MID1: variants seen among roughly 807,000 people sequenced by gnomAD.
The protein encoded by MID1 is midline 1.
A neutral mutation model predicts 40.4 loss-of-function variants in MID1; 7 were observed. The ratio of observed to expected loss-of-function variants is 0.17; its 90% confidence interval spans 0.10 to 0.33. The LOEUF (loss-of-function observed/expected upper bound fraction) is 0.33, where lower values mean the gene tolerates loss of function less well. Ranked by LOEUF, MID1 falls within the 10% of genes least tolerant of loss-of-function variation. The pLI, the probability that MID1 is intolerant of heterozygous loss-of-function variation, is 1.00. For missense variants in MID1, 367 were observed against 558.5 expected, an observed-to-expected ratio of 0.66 and a Z score of 3.46; for synonymous variants, 229 against 221.2, an observed-to-expected ratio of 1.04 and a Z score of -0.31.
chrX:10,447,806 A>G lies in MID1; in HGVS notation c.*1562T>C, dbSNP rs1179094218. 1 of 112,387 alleles carries G rather than the reference A, an allele frequency of 8.9e-6. No individual in the cohort carries two copies. The highest frequency in any genetic ancestry group is 1.9e-5 in the Non-Finnish European group (1 of 53,316). 9.3% of individuals were successfully genotyped at this position (112,387 alleles called of 1,213,427 possible). On this transcript the variant is annotated 3_prime_UTR_variant, in exon 10 of 10. Transcript: ENST00000317552. Reference sequence around the variant, plus strand: ...CACGTGATGCTGAAACAATGAGTTCATTGACTTATTTCAGGGAGGCAGTTG... The same window carrying G: ...CACGTGATGCTGAAACAATGAGTTCGTTGACTTATTTCAGGGAGGCAGTTG...
At chrX:10,798,247 T>C (rs906485551) in intron 1 of MID1, among the ~76,000 whole-genome samples, 5 of 112,274 alleles carry the variant, frequency 4.5e-5, no homozygotes, top group African/African-American at 1.6e-4. Context: ...TAGGTTCATA[T>C]CTTTGCTATA....
At chrX:10,644,119 C>T (rs60027385) in intron 1 of MID1, among the ~76,000 whole-genome samples, 1 of 110,958 alleles carries the variant, frequency 9.0e-6, no homozygotes, top group Non-Finnish European at 1.9e-5. Flanking sequence ...CAAACCTGCA[C>T]GTTGTGCACA....
chrX:10,479,506 C>T (rs1320805862), intron 5 of MID1, among the ~76,000 whole-genome samples: 1 of 110,828 alleles, frequency 9.0e-6, no homozygotes, highest in Non-Finnish European at 1.9e-5. Flanking sequence ...TACTATACTT[C>T]CCAGCCTCTG....
intron 3 of MID1, among the ~76,000 whole-genome samples, chrX:10,521,996 C>T (rs1363774101): frequency 9.0e-6 from 1 of 111,392 alleles, no homozygotes; most frequent in African/African-American, 3.3e-5. Flanking sequence ...TGTGCTCCCA[C>T]GCCTGGCTAA....
intron 1 of MID1, among the ~76,000 whole-genome samples, chrX:10,689,380 T>C (rs1033230205): frequency 4.5e-5 from 5 of 110,788 alleles, no homozygotes; most frequent in African/African-American, 1.6e-4. Flanking sequence ...TCAGATCTCA[T>C]AAAAACTCAC....
intron 1 of MID1, among the ~76,000 whole-genome samples, chrX:10,753,803 A>G (rs2043614138): frequency 8.9e-6 from 1 of 112,317 alleles, no homozygotes; most frequent in Admixed American, 9.5e-5. Flanking sequence ...ATGTATTGGT[A>G]GGTGGCAAAC....
At chrX:10,495,115 T>C (rs1931175570) in intron 4 of MID1, among the ~76,000 whole-genome samples, 1 of 112,058 alleles carries the variant, frequency 8.9e-6, no homozygotes, top group South Asian at 3.7e-4. Flanking sequence ...CCAGGGGTTT[T>C]GGGACCATGA....
chrX:10,765,489 T>C (rs1012303581), intron 1 of MID1, among the ~76,000 whole-genome samples: 4 of 112,552 alleles, frequency 3.6e-5, no homozygotes, highest in Non-Finnish European at 7.5e-5. Flanking sequence ...GATCAAGCCA[T>C]GGGGTTTCCT....
At chrX:10,701,007 C>CT (rs764459538) in intron 1 of MID1, among the ~76,000 whole-genome samples, 1 of 111,959 alleles carries the variant, frequency 8.9e-6, no homozygotes, top group South Asian at 3.7e-4. Flanking sequence ...CACTTACTTA[C>CT]TTTTTTGTTT....
At chrX:10,534,746 G>A (rs1048224871) in intron 2 of MID1, among the ~76,000 whole-genome samples, 2 of 111,670 alleles carry the variant, frequency 1.8e-5, no homozygotes, top group African/African-American at 6.5e-5. Context: ...ACACTCTTTG[G>A]CTCAAAAAAA....
chrX:10,801,049 T>C (rs1313330206), intron 1 of MID1, among the ~76,000 whole-genome samples: 14 of 110,691 alleles, frequency 1.3e-4, no homozygotes, highest in Non-Finnish European at 5.7e-5. Context: ...TTAGAAAGTT[T>C]CTATTTTTAC....
At chrX:10,449,747 A>G (rs1289116139) in intron 9 of MID1, 31 bp from the exon 10 acceptor site, 2 of 1,066,386 alleles carry the variant, frequency 1.9e-6, no homozygotes, top group Non-Finnish European at 2.6e-6. Flanking sequence ...CAACAAAAAC[A>G]ATGAGCCATG....
At chrX:10,816,464 GTTGT>G (rs1431113820) in intron 1 of MID1, among the ~76,000 whole-genome samples, 3 of 112,058 alleles carry the variant, frequency 2.7e-5, no homozygotes, top group Non-Finnish European at 5.6e-5. Context: ...CTAATAAATG[GTTGT>G]TTAACAAATG....
At chrX:10,777,342 C>T (rs890238787) in intron 1 of MID1, among the ~76,000 whole-genome samples, 3 of 103,090 alleles carry the variant, frequency 2.9e-5, no homozygotes, top group African/African-American at 7.1e-5. Flanking sequence ...GGACTACAGG[C>T]GCCCGCCACC....
intron 5 of MID1, among the ~76,000 whole-genome samples, chrX:10,476,044 G>A (rs1257192329): frequency 9.0e-6 from 1 of 111,484 alleles, no homozygotes; most frequent in Non-Finnish European, 1.9e-5. Context: ...CATAAAAAGG[G>A]ATGAAACACT....
intron 1 of MID1, among the ~76,000 whole-genome samples, chrX:10,580,612 T>C (rs1212956637): frequency 9.0e-6 from 1 of 111,587 alleles, no homozygotes; most frequent in African/African-American, 3.3e-5. Flanking sequence ...ATTGGACTTA[T>C]CACATAAGAA....
rs753083595 is a variant in MID1, at chrX:10,627,647, T to C, written c.-186-7228A>G. Among the ~76,000 whole-genome samples, 3 of 112,062 alleles carry C rather than the reference T, an allele frequency of 2.7e-5. No homozygotes were observed. The East Asian group carries it at 8.4e-4, about 31-fold the overall frequency. On this transcript the variant is annotated intron_variant, in intron 1 of 10. Coordinates refer to the MID1 transcript ENST00000380785. ...TACTTCTTATTCTTTTATCTCACTT[T>C]CCTTATATACGAGAAAGATTAGTCC...
chrX:10,812,339 T>C (rs747354964), intron 1 of MID1, among the ~76,000 whole-genome samples: 2 of 111,474 alleles, frequency 1.8e-5, no homozygotes, highest in Non-Finnish European at 3.8e-5. Flanking sequence ...GTTGATAGGC[T>C]GCCACATATT....
At chrX:10,762,628 T>C (rs1381553199) in intron 1 of MID1, among the ~76,000 whole-genome samples, 1 of 110,699 alleles carries the variant, frequency 9.0e-6, no homozygotes, top group African/African-American at 3.3e-5. Context: ...AGAGACAAGG[T>C]TTTGCCATGT....
Sources: gnomAD v4.1 joint callset for allele counts (sites outside exome capture counted in the v4.1 genomes callset) on GRCh38, gnomAD v4.1.1 for gene constraint, MANE v1.5 for transcripts, NCBI Gene and HGNC (gene_info 2026-07-23, HGNC 2026-07-21) for gene names.